Variants in ROR2 observed in about 807,000 individuals in gnomAD.
ROR2 encodes the protein ROR family WNT receptor 2, also known as tyrosine-protein kinase transmembrane receptor ROR2.
ROR2 carries 33 observed loss-of-function variants against 74.9 expected under a neutral mutation model. That is an observed-to-expected ratio of 0.44 (90% CI 0.33 to 0.59). ROR2 has a LOEUF of 0.59. Among genes scored for constraint, ROR2 ranks in the 20% least tolerant of loss-of-function variants. The probability of loss-of-function intolerance (pLI) is 0.02; values close to 1 mark genes in which losing one functional copy is unlikely to be tolerated. For synonymous variants in ROR2, 586 were observed against 558.7 expected (o/e 1.05, Z -0.69); for missense variants, 1,216 against 1,313.8 (o/e 0.93, Z 1.15).
intron 1 of ROR2, among the ~76,000 whole-genome samples, chr9:91,804,878 T>C (rs567134310): frequency 3.9e-4 from 60 of 152,334 alleles, no homozygotes; most frequent in African/African-American, 1.3e-3. Flanking sequence ...TCTAGCCCTC[T>C]CTATGACTGC....
chr9:91,813,718 T>A (rs2119113844), intron 1 of ROR2, among the ~76,000 whole-genome samples: 1 of 152,236 alleles, frequency 6.6e-6, no homozygotes, highest in Admixed American at 6.5e-5. Flanking sequence ...TCCATATGAA[T>A]TCAGGGCCCC....
intron 2 of ROR2, among the ~76,000 whole-genome samples, chr9:91,758,560 A>G (rs1825826446): frequency 6.6e-6 from 1 of 152,246 alleles, no homozygotes; most frequent in South Asian, 2.1e-4. Context: ...ACCCAGGTCC[A>G]GAGCAGACAG....
chr9:91,786,200 A>C (rs1826795065), intron 1 of ROR2, among the ~76,000 whole-genome samples: 1 of 143,534 alleles, frequency 7.0e-6, no homozygotes, highest in African/African-American at 2.5e-5. Flanking sequence ...GGTGGTGTGC[A>C]TTTGTGAACC....
chr9:91,919,201 A>G (rs1357435322), intron 1 of ROR2, among the ~76,000 whole-genome samples: 6 of 152,204 alleles, frequency 3.9e-5, no homozygotes, highest in Non-Finnish European at 7.4e-5. Flanking sequence ...CACTTAATAA[A>G]CATTCGTAAT....
At chr9:91,834,322 G>A (rs960833868) in intron 1 of ROR2, among the ~76,000 whole-genome samples, 19 of 152,108 alleles carry the variant, frequency 1.2e-4, no homozygotes, top group African/African-American at 4.1e-4. Flanking sequence ...CCACGTCCCC[G>A]CGTGCAAACC....
chr9:91,918,504 G>T (rs185920826), intron 1 of ROR2, among the ~76,000 whole-genome samples: 1 of 152,234 alleles, frequency 6.6e-6, no homozygotes, highest in African/African-American at 2.4e-5. Context: ...TTTGACAGTA[G>T]GTAAATTAGG....
At chr9:91,739,749 T>A (rs1825155699) in intron 4 of ROR2, among the ~76,000 whole-genome samples, 1 of 152,172 alleles carries the variant, frequency 6.6e-6, no homozygotes, top group Admixed American at 6.5e-5. Context: ...GGGTTAAGGG[T>A]TCCTTAAAGG....
intron 1 of ROR2, among the ~76,000 whole-genome samples, chr9:91,817,969 G>A (rs1828002439): frequency 6.6e-6 from 1 of 152,132 alleles, no homozygotes; most frequent in African/African-American, 2.4e-5. Context: ...GCCTCAACAC[G>A]CTCTGGTCCG....
At chr9:91,760,511 G>C (rs1369187789) in intron 2 of ROR2, among the ~76,000 whole-genome samples, 2 of 151,994 alleles carry the variant, frequency 1.3e-5, no homozygotes, top group Non-Finnish European at 2.9e-5. Context: ...GCGGGCGCCT[G>C]TACTCCTTGC....
At chr9:91,805,214 C>G (rs1165180154) in intron 1 of ROR2, among the ~76,000 whole-genome samples, 1 of 152,232 alleles carries the variant, frequency 6.6e-6, no homozygotes, top group African/African-American at 2.4e-5. Context: ...CCTCTGGACA[C>G]CTTTGCTCGG....
At chr9:91,758,261 G>GT (rs1399464369) in intron 2 of ROR2, among the ~76,000 whole-genome samples, 3 of 152,112 alleles carry the variant, frequency 2.0e-5, no homozygotes, top group African/African-American at 7.2e-5. Context: ...TAGACTTTAG[G>GT]TATTAGGTGA....
In ROR2 at chr9:91,724,077, C is replaced by A; in HGVS notation, c.2417G>T (p.Gly806Val). Residue 806 changes from glycine to valine, a missense_variant, in exon 9 of 9, where the codon GGC becomes GTC. Coordinates refer to ENST00000375708, the MANE Select transcript of ROR2 (RefSeq NM_004560.4). Reference sequence around the variant, plus strand: ...CGGGGGCACCATGGGTCTGATCTGGCCCTTCATGGGGATGAACTGGGGCTG... The same window carrying A: ...CGGGGGCACCATGGGTCTGATCTGGACCTTCATGGGGATGAACTGGGGCTG... Reference protein sequence around the residue: ...FPQPQFIPMKGQIRPMVPPPQ... With the variant: ...FPQPQFIPMKVQIRPMVPPPQ... 3.1e-6 allele frequency: 5 copies of A among 1,610,978 alleles called. No homozygotes were observed. The highest frequency in any genetic ancestry group is 4.2e-6 in the Non-Finnish European group (5 of 1,179,802).
intron 1 of ROR2, among the ~76,000 whole-genome samples, chr9:91,900,193 G>A (rs1449616548): frequency 6.6e-6 from 1 of 152,150 alleles, no homozygotes; most frequent in Non-Finnish European, 1.5e-5. Context: ...TCAGGATGCA[G>A]CGGGTCCCCC....
intron 1 of ROR2, among the ~76,000 whole-genome samples, chr9:91,879,292 G>A (rs1830039861): frequency 6.6e-6 from 1 of 152,188 alleles, no homozygotes; most frequent in Admixed American, 6.5e-5. Context: ...GAGGTTCAGG[G>A]AAAGTGATGA....
At chr9:91,810,729 T>C (rs975676084) in intron 1 of ROR2, among the ~76,000 whole-genome samples, 1 of 152,202 alleles carries the variant, frequency 6.6e-6, no homozygotes, top group African/African-American at 2.4e-5. Context: ...CCCTGCGGTC[T>C]GTGTCACCAG....
intron 1 of ROR2, among the ~76,000 whole-genome samples, chr9:91,881,372 C>T (rs562794212): frequency 4.6e-5 from 7 of 152,298 alleles, no homozygotes; most frequent in African/African-American, 1.4e-4. Context: ...CACTTGACAT[C>T]ATTGATAAGG....
intron 5 of ROR2, among the ~76,000 whole-genome samples, chr9:91,735,472 CT>C (rs1824986588): frequency 6.6e-6 from 1 of 152,176 alleles, no homozygotes; most frequent in African/African-American, 2.4e-5. Flanking sequence ...GAGGGACAAT[CT>C]TGTGCCCTGG....
intron 1 of ROR2, among the ~76,000 whole-genome samples, chr9:91,830,072 A>G (rs1045205655): frequency 9.2e-5 from 14 of 152,242 alleles, no homozygotes; most frequent in African/African-American, 3.4e-4. Flanking sequence ...TAATTCAACA[A>G]AAATTATCTT....
intron 1 of ROR2, among the ~76,000 whole-genome samples, chr9:91,843,018 A>C (rs557011660): frequency 6.6e-6 from 1 of 152,370 alleles, no homozygotes; most frequent in Admixed American, 6.5e-5. Flanking sequence ...TTACATTTAC[A>C]AACTATTTGC....
Sources: allele counts gnomAD v4.1 joint callset (sites outside exome capture counted in the v4.1 genomes callset), GRCh38; gene constraint gnomAD v4.1.1; transcripts MANE v1.5; gene names NCBI Gene and HGNC (gene_info 2026-07-23, HGNC 2026-07-21).